KIF24: variants seen among roughly 807,000 people sequenced by gnomAD.
The protein encoded by KIF24 is kinesin-like protein KIF24.
KIF24 carries 81 observed loss-of-function variants against 118.9 expected under a neutral mutation model. The ratio of observed to expected loss-of-function variants is 0.68; its 90% CI spans 0.57 to 0.82. The LOEUF (loss-of-function observed/expected upper bound fraction) is 0.82, where lower values mean the gene tolerates loss of function less well. Among genes scored for constraint, KIF24 ranks in the 40% least tolerant of loss-of-function variants. The pLI is 0.00. For missense variants in KIF24, 1,560 were observed against 1,661.6 expected, an observed-to-expected ratio of 0.94 and a Z score of 1.06; for synonymous variants, 599 against 610.0, an observed-to-expected ratio of 0.98 and a Z score of 0.27.
At chr9:34,289,730 C>A (rs1325216617) in intron 5 of KIF24, among the ~76,000 whole-genome samples, 1 of 152,172 alleles carries the variant, frequency 6.6e-6, no homozygotes, top group African/African-American at 2.4e-5. Flanking sequence ...AGAAGATTTT[C>A]TTTTCTTCTT....
At chr9:34,258,466 T>C (rs1320372658) in intron 10 of KIF24, among the ~76,000 whole-genome samples, 1 of 152,122 alleles carries the variant, frequency 6.6e-6, no homozygotes, top group African/African-American at 2.4e-5. Flanking sequence ...TGAGACTCTG[T>C]CTTTAAAAAA....
rs1837415500 is a variant in KIF24, at chr9:34,318,750, G to A, written c.-25-7379C>T. 1.6e-5 allele frequency: 24 copies of A among 1,513,002 alleles called. No homozygotes were observed. The highest frequency in any genetic ancestry group is 3.5e-4 in the Middle Eastern group (2 of 5,774). The allele number at this position is 1,513,002 out of a possible 1,614,324, so 93.7% of individuals were successfully genotyped here. ...CACGCCGGCGTGGGCGAGCCGCTGCGTTCACTCAGCAACTCCACCGCGCGC... is the reference window on the plus strand; with the variant it reads ...CACGCCGGCGTGGGCGAGCCGCTGCATTCACTCAGCAACTCCACCGCGCGC... On this transcript the variant is annotated intron_variant, in intron 1 of 12. Transcript: ENST00000402558. The surrounding 1 kb of genome is among the most constrained non-coding windows in gnomAD (Gnocchi z 4.9).
chr9:34,307,899 G>C lies in KIF24; in HGVS notation c.624-1458C>G, dbSNP rs548308906. ...AAAAAAGAAAAAAGAAAAAGAAATT[G>C]GATGATGGACATATTGGGATTCAGT... On this transcript the variant is annotated intron_variant, in intron 2 of 12. Transcript: ENST00000402558. Among the ~76,000 whole-genome samples, 150 of 151,212 alleles carry C rather than the reference G, an allele frequency of 9.9e-4. 1 individual carries two copies. Among genetic ancestry groups the C allele is most frequent in the African/African-American group, 3.2e-3 (134 of 41,272 alleles).
intron 1 of KIF24, among the ~76,000 whole-genome samples, chr9:34,314,926 AAGAG>A (rs1240127620): frequency 6.6e-6 from 1 of 152,238 alleles, no homozygotes; most frequent in East Asian, 1.9e-4. Context: ...CAGTTTGTAA[AAGAG>A]AGAGATAAAT....
chr9:34,268,690 T>A (rs907088929), intron 8 of KIF24, among the ~76,000 whole-genome samples: 10 of 151,984 alleles, frequency 6.6e-5, no homozygotes, highest in African/African-American at 2.4e-4. Context: ...GTATTTTTAA[T>A]AGAGACAGAG....
At chr9:34,281,144 G>A (rs777896406) in intron 6 of KIF24, among the ~76,000 whole-genome samples, 2 of 152,122 alleles carry the variant, frequency 1.3e-5, no homozygotes, top group African/African-American at 2.4e-5. Flanking sequence ...TCCTGCCTCA[G>A]CCTCCCAAGT....
chr9:34,259,500 C>A, intron 10 of KIF24, 96 bp downstream of exon 10: 1 of 839,654 alleles, frequency 1.2e-6, no homozygotes, highest in Non-Finnish European at 2.0e-6. Context: ...CATGCACTTG[C>A]ACACACACAC....
At chr9:34,286,804 G>A in intron 5 of KIF24, 100 bp from the exon 6 acceptor site, 1 of 813,144 alleles carries the variant, frequency 1.2e-6, no homozygotes, top group Non-Finnish European at 2.1e-6. Flanking sequence ...TTAAGTAGCA[G>A]TTTTCTGTTT....
chr9:34,268,947 T>C (rs752376946), intron 8 of KIF24, among the ~76,000 whole-genome samples: 2 of 152,238 alleles, frequency 1.3e-5, no homozygotes, highest in African/African-American at 4.8e-5. Flanking sequence ...GAAAAATTAA[T>C]ATAATTTTAA....
At chr9:34,315,880 G>A (rs949674941) in intron 1 of KIF24, among the ~76,000 whole-genome samples, 1 of 151,856 alleles carries the variant, frequency 6.6e-6, no homozygotes, top group African/African-American at 2.4e-5. Flanking sequence ...AACGCAAAAA[G>A]TAGTCAGGCA....
intron 3 of KIF24, among the ~76,000 whole-genome samples, chr9:34,299,120 C>T (rs1836596023): frequency 6.6e-6 from 1 of 151,594 alleles, no homozygotes; most frequent in Non-Finnish European, 1.5e-5. Context: ...AATATACATA[C>T]ATATATATTC....
At chr9:34,261,171 C>G (rs1327979525) in intron 9 of KIF24, among the ~76,000 whole-genome samples, 2 of 152,302 alleles carry the variant, frequency 1.3e-5, no homozygotes, top group East Asian at 3.9e-4. Context: ...TCTAGCTGCA[C>G]AGAATAAAAC....
At chr9:34,308,438 G>C (rs1336299997) in intron 2 of KIF24, among the ~76,000 whole-genome samples, 6 of 151,936 alleles carry the variant, frequency 3.9e-5, no homozygotes, top group Non-Finnish European at 2.9e-5. Flanking sequence ...CACCTGCCAT[G>C]ACGCTCTGCT....
intron 9 of KIF24, among the ~76,000 whole-genome samples, chr9:34,262,423 T>G (rs1356332821): frequency 6.6e-6 from 1 of 151,788 alleles, no homozygotes; most frequent in African/African-American, 2.4e-5. Context: ...CAGATTTTTT[T>G]TCAGATTTTG....
chr9:34,277,480 T>C (rs1356806765), intron 6 of KIF24, among the ~76,000 whole-genome samples: 1 of 151,982 alleles, frequency 6.6e-6, no homozygotes, highest in East Asian at 1.9e-4. Flanking sequence ...CAAGGAAACG[T>C]GGATATGAAC....
Position 34,275,622 on chromosome 9 carries a change from C to T in KIF24, c.1216-3692G>A, listed in dbSNP as rs149647781. 2.1e-3 allele frequency among the ~76,000 whole-genome samples: 316 copies of T among 152,158 alleles called. 1 individual carries two copies. Among genetic ancestry groups the T allele is most frequent in the African/African-American group, 6.9e-3 (288 of 41,508 alleles). ...TTGGGAGGCCAAGGCGGGTGGATCA[C>T]GAGGTCAGGAGATCGAGACCGTCCT... On this transcript the variant is annotated intron_variant, in intron 6 of 12. Coordinates refer to ENST00000402558, the MANE Select transcript of KIF24 (RefSeq NM_194313.4).
At position 34,318,073 on chromosome 9, in the gene KIF24, C is replaced by T. The variant is rs533772242; in HGVS notation, c.-25-6702G>A. 6.6e-5 allele frequency among the ~76,000 whole-genome samples: 10 copies of T among 151,964 alleles called. No homozygotes were observed. The highest frequency in any genetic ancestry group is 1.3e-4 in the Non-Finnish European group (9 of 68,000). On this transcript the variant is annotated intron_variant, in intron 1 of 12. Transcript: ENST00000402558. This position sits in a 1 kb window ranked among gnomAD's most constrained non-coding sequence, Gnocchi z 4.9. ...CAAAGGATTGCTTTAAGAATCCTTTCCTCAACATGTAGAAGCCTGATTAGA... is the reference window on the plus strand; with the variant it reads ...CAAAGGATTGCTTTAAGAATCCTTTTCTCAACATGTAGAAGCCTGATTAGA...
chr9:34,279,829 G>A (rs73494733), intron 6 of KIF24, among the ~76,000 whole-genome samples: 1,609 of 152,328 alleles, frequency 0.011, 24 homozygotes, highest in African/African-American at 0.036. Context: ...GAGGATAACT[G>A]TGTCAGGTAT....
chr9:34,293,658 C>T (rs888287630), intron 4 of KIF24, among the ~76,000 whole-genome samples: 22 of 151,996 alleles, frequency 1.4e-4, no homozygotes, highest in African/African-American at 5.1e-4. Flanking sequence ...CACCTGCAGT[C>T]CCAGCTACTC....
Sources: gnomAD v4.1 joint callset for allele counts (sites outside exome capture counted in the v4.1 genomes callset) on GRCh38, gnomAD v4.1.1 for gene constraint, Gnocchi (gnomAD v3.1) non-coding constraint, MANE v1.5 for transcripts, NCBI Gene and HGNC (gene_info 2026-07-23, HGNC 2026-07-21) for gene names.